Variants in ANKS1B observed in about 807,000 individuals in gnomAD.
The protein encoded by ANKS1B is ankyrin repeat and sterile alpha motif domain-containing protein 1B.
Under a neutral mutation model 148.3 loss-of-function variants are expected in ANKS1B, and 36 were observed. The ratio of observed to expected loss-of-function variants is 0.24; its 90% CI spans 0.19 to 0.32. The LOEUF is 0.32. Ranked by LOEUF, ANKS1B falls within the 10% of genes least tolerant of loss-of-function variation. The probability of loss-of-function intolerance (pLI) is 1.00; values close to 1 mark genes in which losing one functional copy is unlikely to be tolerated. For missense variants in ANKS1B, 1,157 were observed against 1,542.6 expected (o/e 0.75, Z 4.19); for synonymous variants, 542 against 560.8 (o/e 0.97, Z 0.47).
At chr12:98,973,213 C>CAAAAAAAAAAA (rs534303391) in intron 17 of ANKS1B, among the ~76,000 whole-genome samples, 1 of 103,024 alleles carries the variant, frequency 9.7e-6, no homozygotes. Context: ...AAACGAAATG[C>CAAAAAAAAAAA]AAAAAAAAAA....
chr12:99,468,627 A>T (rs1481347483), intron 10 of ANKS1B, among the ~76,000 whole-genome samples: 1 of 152,350 alleles, frequency 6.6e-6, no homozygotes, highest in Middle Eastern at 3.4e-3. Flanking sequence ...AAAGTGGGCA[A>T]AGGATATGAA....
At chr12:99,883,328 T>C (rs554629369) in intron 1 of ANKS1B, among the ~76,000 whole-genome samples, 3 of 146,908 alleles carry the variant, frequency 2.0e-5, no homozygotes, top group South Asian at 4.3e-4. Flanking sequence ...AATGGACGTT[T>C]CGAAGCAAAA....
At chr12:98,840,367 T>A (rs139717066) in intron 17 of ANKS1B, among the ~76,000 whole-genome samples, 15 of 152,278 alleles carry the variant, frequency 9.9e-5, no homozygotes, top group African/African-American at 3.6e-4. Context: ...AACCAACTGC[T>A]ACTAAATAAT....
At chr12:99,931,026 G>C (rs1374200979) in intron 1 of ANKS1B, among the ~76,000 whole-genome samples, 1 of 152,170 alleles carries the variant, frequency 6.6e-6, no homozygotes, top group Non-Finnish European at 1.5e-5. Context: ...AAAATGATGA[G>C]TTCATGTCCT....
chr12:98,838,387 G>A (rs1334788498), intron 17 of ANKS1B, among the ~76,000 whole-genome samples: 2 of 152,188 alleles, frequency 1.3e-5, no homozygotes, highest in South Asian at 2.1e-4. Flanking sequence ...ATCTCAATCC[G>A]TTTATTGCCG....
At chr12:99,675,278 T>C (rs1199251198) in intron 8 of ANKS1B, among the ~76,000 whole-genome samples, 1 of 151,994 alleles carries the variant, frequency 6.6e-6, no homozygotes, top group Non-Finnish European at 1.5e-5. Context: ...CATTATTCCA[T>C]TGATATAAAA....
chr12:99,890,309 C>G (rs2153746996), intron 1 of ANKS1B, among the ~76,000 whole-genome samples: 1 of 152,248 alleles, frequency 6.6e-6, no homozygotes, highest in Non-Finnish European at 1.5e-5. Flanking sequence ...AGATGAGGCT[C>G]ATACAATCAG....
intron 9 of ANKS1B, among the ~76,000 whole-genome samples, chr12:99,627,207 A>G (rs2098119127): frequency 2.0e-5 from 3 of 152,216 alleles, no homozygotes; most frequent in Admixed American, 6.5e-5. Context: ...AGAAAACAAC[A>G]TAACATTTTA....
Position 99,772,971 on chromosome 12 carries a change from A to G in ANKS1B, c.1079T>C (p.Leu360Ser). The change falls in exon 8 of 27, where the codon TTG (leucine) becomes TCG (serine). Residue 360 changes from leucine (L) to serine (S), a missense_variant. Around this residue, in one of 6 missense-constraint regions of ANKS1B, gnomAD observed 661 missense variants for 642.1 expected, o/e 1.03. Transcript: ENST00000683438. ...AAGTTCTTCCTCTGAAATCTTGCTC[A>G]AATTATCTAAGTAGTGGTCTGATAT... ...HTISDHYLDN[L>S]SKISEEELGK... 1 of 1,612,028 alleles carries G rather than the reference A, an allele frequency of 6.2e-7. No homozygotes were observed. Among genetic ancestry groups the G allele is most frequent in the South Asian group, 1.1e-5 (1 of 90,608 alleles).
intron 8 of ANKS1B, among the ~76,000 whole-genome samples, chr12:99,656,047 C>T (rs1385719889): frequency 6.6e-6 from 1 of 151,982 alleles, no homozygotes; most frequent in African/African-American, 2.4e-5. Flanking sequence ...TTTCACCCAG[C>T]CAGGAAACTA....
At chr12:99,268,394 T>C (rs1009463411) in intron 12 of ANKS1B, among the ~76,000 whole-genome samples, 2 of 152,204 alleles carry the variant, frequency 1.3e-5, no homozygotes, top group African/African-American at 4.8e-5. Flanking sequence ...GTTCACTTTA[T>C]TGTAAATGGA....
At chr12:98,942,945 T>C (rs369086137) in intron 17 of ANKS1B, among the ~76,000 whole-genome samples, 4 of 152,106 alleles carry the variant, frequency 2.6e-5, no homozygotes, top group Non-Finnish European at 5.9e-5. Flanking sequence ...CAACACCAAA[T>C]ACAAGAATAG....
chr12:99,166,809 A>T (rs1320067281), intron 14 of ANKS1B, among the ~76,000 whole-genome samples: 2 of 152,044 alleles, frequency 1.3e-5, no homozygotes, highest in East Asian at 3.9e-4. Context: ...TAACCAAAAC[A>T]ACTTCGAAAA....
chr12:99,153,955 C>T (rs547928860), intron 15 of ANKS1B, among the ~76,000 whole-genome samples: 12 of 152,084 alleles, frequency 7.9e-5, no homozygotes, highest in African/African-American at 2.9e-4. Context: ...TGATATAATC[C>T]GAGTATTCTA....
chr12:98,744,713 A>G lies in ANKS1B; in HGVS notation c.*1026T>C. The G allele has an allele frequency of 1.0e-6, 1 of 979,428 alleles. No individual in the cohort carries two copies. The highest frequency in any genetic ancestry group is 1.2e-6 in the Non-Finnish European group (1 of 824,824). The allele number at this position is 979,428 out of a possible 1,614,324, so 60.7% of individuals were successfully genotyped here. On this transcript the variant is annotated 3_prime_UTR_variant, in exon 27 of 27. Coordinates refer to ENST00000683438, the MANE Select transcript of ANKS1B (RefSeq NM_001352186.2). The stretch of plus-strand genomic sequence containing the variant: ...TTTTGTATTTATTTTTTCTAGAAAA[A>G]GAAATTTTTGCAATAGAATTTTATT...
chr12:99,887,266 A>G (rs1368138935), intron 1 of ANKS1B, among the ~76,000 whole-genome samples: 1 of 152,214 alleles, frequency 6.6e-6, no homozygotes, highest in Non-Finnish European at 1.5e-5. Flanking sequence ...GGCTAATCCA[A>G]ATCAAGAAGT....
chr12:99,577,271 T>C (rs1440215238), intron 9 of ANKS1B, among the ~76,000 whole-genome samples: 1 of 150,230 alleles, frequency 6.7e-6, no homozygotes, highest in Non-Finnish European at 1.5e-5. Context: ...CTCCTTGTCA[T>C]TAAAAACTCT....
chr12:98,956,681 C>CATTGA (rs1568004897), intron 17 of ANKS1B, among the ~76,000 whole-genome samples: 2 of 151,976 alleles, frequency 1.3e-5, no homozygotes. Context: ...GTGGGGGATA[C>CATTGA]AAAGCTAGAC....
At chr12:99,826,601 T>C (rs1457120038) in intron 1 of ANKS1B, among the ~76,000 whole-genome samples, 1 of 151,934 alleles carries the variant, frequency 6.6e-6, no homozygotes, top group Non-Finnish European at 1.5e-5. Flanking sequence ...AAGAGCAAAA[T>C]CTGCTGCAGG....
Sources: gnomAD v4.1 joint callset for allele counts (sites outside exome capture counted in the v4.1 genomes callset) on GRCh38, gnomAD v4.1.1 for gene constraint, gnomAD v4.1.1 regional missense constraint, MANE v1.5 for transcripts, NCBI Gene and HGNC (gene_info 2026-07-23, HGNC 2026-07-21) for gene names.